The following BTK variants were observed in gnomAD, a reference collection of about 807,000 sequenced individuals.
BTK encodes the protein Bruton tyrosine kinase.
Under a neutral mutation model 57.4 loss-of-function variants are expected in BTK, and 5 were observed. That is an observed-to-expected ratio of 0.09 (90% CI 0.05 to 0.18). The LOEUF (loss-of-function observed/expected upper bound fraction) is 0.18, where lower values mean the gene tolerates loss of function less well. Among genes scored for constraint, BTK ranks in the 10% least tolerant of loss-of-function variants. The probability of loss-of-function intolerance (pLI) is 1.00; values close to 1 mark genes in which losing one functional copy is unlikely to be tolerated. For synonymous variants in BTK, 154 were observed against 174.3 expected (o/e 0.88, Z 0.92); for missense variants, 194 against 501.2 (o/e 0.39, Z 5.85).
intron 1 of BTK, among the ~76,000 whole-genome samples, chrX:101,382,349 C>T (rs781927751): frequency 1.2e-5 from 1 of 86,453 alleles, no homozygotes; most frequent in Admixed American, 1.2e-4. Context: ...ATTTTTGAGA[C>T]AGAGTCTCGC....
chrX:101,361,598 C>G (rs1555978670), intron 7 of BTK, among the ~76,000 whole-genome samples: 2 of 110,139 alleles, frequency 1.8e-5, no homozygotes, highest in African/African-American at 6.6e-5. Flanking sequence ...GTGTTAAATT[C>G]TTCTAACTTT....
chrX:101,387,843 C>T (rs980898361), upstream of BTK, among the ~76,000 whole-genome samples: 1 of 107,942 alleles, frequency 9.3e-6, no homozygotes, highest in Non-Finnish European at 1.9e-5. Flanking sequence ...TGGCCACAGG[C>T]ATTCATCTTC....
chrX:101,385,274 G>A (rs1182996569), intron 1 of BTK, among the ~76,000 whole-genome samples: 1 of 111,680 alleles, frequency 9.0e-6, no homozygotes, highest in Non-Finnish European at 1.9e-5. Flanking sequence ...GGATGAGTGG[G>A]AAGAGGAGGA....
rs782047787 is a variant in BTK at position 101,349,888 on chromosome X, G to A, written c.1977C>T (p.Ser659=). 1.2e-5 allele frequency: 15 copies of A among 1,206,445 alleles called. No individual in the cohort carries two copies. In the East Asian group the frequency reaches 3.5e-4, roughly 29 times the overall value. ...ACCAAGAAGCTTATTGGCGAGCTCA[G>A]GATTCTTCATCCATGACATCTAGAA... ...SNILDVMDEE[S] Residue 659 remains serine (S), a synonymous_variant, in exon 19 of 19, where the codon TCC becomes TCT. Coordinates refer to ENST00000308731, the MANE Select transcript of BTK (RefSeq NM_000061.3).
chrX:101,387,985 G>A (rs2147460149), upstream of BTK, among the ~76,000 whole-genome samples: 1 of 109,698 alleles, frequency 9.1e-6, no homozygotes, highest in Non-Finnish European at 1.9e-5. Flanking sequence ...TCCTGCCTCA[G>A]TCTCCTGAGT....
At chrX:101,357,413 A>G in intron 13 of BTK, 96 bp downstream of exon 13, 3 of 776,795 alleles carry the variant, frequency 3.9e-6, no homozygotes, top group Non-Finnish European at 4.0e-6. Context: ...GCTGCTGCAG[A>G]ACAGTGTACC....
At chrX:101,378,948 C>G (rs1026032894) in intron 1 of BTK, among the ~76,000 whole-genome samples, 2 of 110,288 alleles carry the variant, frequency 1.8e-5, no homozygotes, top group Admixed American at 9.8e-5. Flanking sequence ...CTGAGGCTGG[C>G]GGATCACTTG....
chrX:101,367,923 G>A (rs781999826), intron 5 of BTK, among the ~76,000 whole-genome samples: 3 of 111,432 alleles, frequency 2.7e-5, no homozygotes, highest in Non-Finnish European at 5.6e-5. Context: ...TGTGCAAGGC[G>A]CTGTATGAGG....
At chrX:101,362,427 C>G in intron 6 of BTK, 134 bp downstream of exon 6, 2 of 1,056,223 alleles carry the variant, frequency 1.9e-6, no homozygotes, top group Non-Finnish European at 2.6e-6. Context: ...CATGTGCCTC[C>G]TCCCTCCCCC....
chrX:101,376,431 C>A (rs1357695416), intron 1 of BTK, among the ~76,000 whole-genome samples: 1 of 111,582 alleles, frequency 9.0e-6, no homozygotes, highest in Non-Finnish European at 1.9e-5. Context: ...AGTTCAAGAC[C>A]AACCTGGCCA....
intron 5 of BTK, among the ~76,000 whole-genome samples, chrX:101,368,285 T>C (rs1926924436): frequency 8.9e-6 from 1 of 112,726 alleles, no homozygotes; most frequent in Non-Finnish European, 1.9e-5. Context: ...GCAGACCCCT[T>C]ATCTTAAAAT....
intron 7 of BTK, among the ~76,000 whole-genome samples, chrX:101,360,986 C>T (rs1242256395): frequency 9.0e-6 from 1 of 111,189 alleles, no homozygotes; most frequent in Non-Finnish European, 1.9e-5. Context: ...GAGGCCAAGG[C>T]GGGCGGATCA....
intron 1 of BTK, among the ~76,000 whole-genome samples, chrX:101,380,955 G>A (rs1306721221): frequency 8.1e-5 from 8 of 98,753 alleles, no homozygotes; most frequent in Non-Finnish European, 1.4e-4. Context: ...GCAGTGAGCC[G>A]AGATCTTGCC....
At chrX:101,358,133 T>A in intron 12 of BTK, 177 bp downstream of exon 12, 1 of 648,571 alleles carries the variant, frequency 1.5e-6, no homozygotes, top group East Asian at 3.3e-5. Flanking sequence ...TCAGTCCCTG[T>A]TGGGTGTAGG....
At chrX:101,361,273 A>C (rs1320508760) in intron 7 of BTK, among the ~76,000 whole-genome samples, 1 of 110,881 alleles carries the variant, frequency 9.0e-6, no homozygotes, top group Non-Finnish European at 1.9e-5. Flanking sequence ...TTCCTCACAG[A>C]CCAATTACAT....
chrX:101,354,350 A>G (rs1372314429), intron 16 of BTK: 1 of 418,615 alleles, frequency 2.4e-6, no homozygotes, highest in Non-Finnish European at 4.1e-6. Flanking sequence ...GAGTAAAGTC[A>G]TCAGGATTAA....
intron 4 of BTK, among the ~76,000 whole-genome samples, chrX:101,370,852 T>C (rs1927005298): frequency 8.9e-6 from 1 of 112,652 alleles, no homozygotes; most frequent in Non-Finnish European, 1.9e-5. Flanking sequence ...AGCCAAACAA[T>C]GTCATCTTGT....
intron 15 of BTK, 108 bp from the exon 16 acceptor site, chrX:101,354,802 G>C: frequency 1.4e-6 from 1 of 738,835 alleles, no homozygotes; most frequent in Non-Finnish European, 2.1e-6. Flanking sequence ...CATCTCCTTC[G>C]ACTACAGACA....
chrX:101,367,665 TAAA>T (rs1926904676), intron 5 of BTK, among the ~76,000 whole-genome samples: 1 of 109,070 alleles, frequency 9.2e-6, no homozygotes, highest in Admixed American at 1.0e-4. Flanking sequence ...AATAAATAAA[TAAA>T]TAAATAAATA....
Sources: allele counts gnomAD v4.1 joint callset (sites outside exome capture counted in the v4.1 genomes callset), GRCh38; gene constraint gnomAD v4.1.1; transcripts MANE v1.5; gene names NCBI Gene and HGNC (gene_info 2026-07-23, HGNC 2026-07-21).